ADORA3: variants seen among roughly 807,000 people sequenced by gnomAD.
The protein encoded by ADORA3 is adenosine A3 receptor.
In ADORA3, 3 loss-of-function variants were observed where a neutral mutation model predicts 5.7. That is an observed-to-expected ratio of 0.52 (90% CI 0.24 to 1.35). The LOEUF (loss-of-function observed/expected upper bound fraction) is 1.35, where lower values mean the gene tolerates loss of function less well. ADORA3 is among the 40% of genes most tolerant of loss of function. The pLI, the probability that ADORA3 is intolerant of heterozygous loss-of-function variation, is 0.17. For missense variants in ADORA3, 343 were observed against 389.0 expected (o/e 0.88, Z 0.99); for synonymous variants, 168 against 152.3 (o/e 1.10, Z -0.76).
intron 1 of ADORA3, among the ~76,000 whole-genome samples, chr1:111,502,106 TTA>T (rs1655220694): frequency 7.1e-5 from 2 of 28,024 alleles, no homozygotes; most frequent in Admixed American, 7.4e-4. Flanking sequence ...AGATATATAT[TTA>T]ATATAATAAA....
rs191642128 is a variant in ADORA3 at position 111,499,697 on chromosome 1, A to C, written c.*253T>G. 9 of 1,279,582 alleles carry C rather than the reference A, an allele frequency of 7.0e-6. No homozygotes were observed. The highest frequency in any genetic ancestry group is 9.0e-6 in the Non-Finnish European group (9 of 1,005,228). 79.3% of individuals were successfully genotyped at this position (1,279,582 alleles called of 1,614,324 possible). On this transcript the variant is annotated 3_prime_UTR_variant, in exon 2 of 2. Coordinates refer to ENST00000241356, the MANE Select transcript of ADORA3 (RefSeq NM_000677.4). ...ATTGGGAAGAAGGAAAACAGACAAT[A>C]ATATCAATAATACGTTGTCCCCAAG...
chr1:111,500,248 G>C lies in ADORA3; in HGVS notation c.659C>G (p.Ala220Gly). The C allele has an allele frequency of 6.2e-7, 1 of 1,614,152 alleles. No homozygotes were observed. The highest frequency in any genetic ancestry group is 8.5e-7 in the Non-Finnish European group (1 of 1,180,022). Residue 220 changes from alanine (A) to glycine (G), a missense_variant, in exon 2 of 2, where the codon GCA (alanine) becomes GGA (glycine). By Grantham distance (60) the Ala-to-Gly change is moderately conservative. Transcript: ENST00000241356. ...LNLSNSKETGAFYGREFKTAK... is the reference protein window; with the variant it reads ...LNLSNSKETGGFYGREFKTAK... ...CGTCTTGAACTCCCGTCCATAAAAT[G>C]CACCTGTCTCTTTGGAGTTAGATAA...
Position 111,500,019 on chromosome 1 carries a change from G to A in ADORA3, c.888C>T (p.Ile296=). 1.2e-6 allele frequency: 2 copies of A among 1,614,176 alleles called. No individual in the cohort carries two copies. Among genetic ancestry groups the A allele is most frequent in the East Asian group, 4.5e-5 (2 of 44,894 alleles). ...IKKFKETYLL[I]LKACVVCHPS... is the part of the protein sequence containing the mutation. ...GATGGCAGACCACACAAGCTTTGAG[G>A]ATCAAAAGGTAGGTTTCCTTGAACT... Residue 296 remains isoleucine, a synonymous_variant, in exon 2 of 2, where the codon ATC becomes ATT. Coordinates refer to ENST00000241356, the MANE Select transcript of ADORA3 (RefSeq NM_000677.4).
At chr1:111,502,942 C>G in intron 1 of ADORA3, 63 bp downstream of exon 1, 3 of 1,584,162 alleles carry the variant, frequency 1.9e-6, no homozygotes, top group Non-Finnish European at 2.6e-6. Flanking sequence ...AGTCTGGGCT[C>G]TGGGCTTTGT....
Position 111,499,834 on chromosome 1 carries a change from C to T in ADORA3, c.*116G>A. 1.3e-6 allele frequency: 2 copies of T among 1,524,266 alleles called. No homozygotes were observed. The highest frequency in any genetic ancestry group is 1.8e-6 in the Non-Finnish European group (2 of 1,141,664). 94.4% of individuals were successfully genotyped at this position (1,524,266 alleles called of 1,614,324 possible). A position where few individuals can be genotyped will look rare whatever the true frequency, so the allele number is the denominator to read the frequency against. The stretch of plus-strand genomic sequence containing the variant: ...TTGGGGAGCACTGGAGATGCTCCCA[C>T]CTCAGTGGAAGTAATCAAGGATGTA... On this transcript the variant is annotated 3_prime_UTR_variant, in exon 2 of 2. Transcript: ENST00000241356.
chr1:111,500,788 C>T, intron 1 of ADORA3: 2 of 555,646 alleles, frequency 3.6e-6, no homozygotes, highest in Non-Finnish European at 6.3e-6. Flanking sequence ...CAGGAAACTT[C>T]TCTGGGGACT....
chr1:111,500,059 G>T lies in ADORA3; in HGVS notation c.848C>A (p.Ala283Asp). 1 of 1,614,178 alleles carries T rather than the reference G, an allele frequency of 6.2e-7. No homozygotes were observed. The highest frequency in any genetic ancestry group is 8.5e-7 in the Non-Finnish European group (1 of 1,180,038). ...ANSMMNPIVYAYKIKKFKETY... is the reference protein window; with the variant it reads ...ANSMMNPIVYDYKIKKFKETY... ...TTCCTTGAACTTCTTTATTTTATAG[G>T]CATAGACGATAGGGTTCATCATGGA... is the stretch of plus-strand genomic sequence containing the variant. Residue 283 changes from alanine to aspartate, a missense_variant, in exon 2 of 2, where the codon GCC (alanine) becomes GAC (aspartate). Ala to Asp is a moderately radical substitution (Grantham distance 126). Coordinates refer to ENST00000241356, the MANE Select transcript of ADORA3 (RefSeq NM_000677.4).
rs779804357 is a variant in ADORA3, at chr1:111,503,016, C to T, written c.339G>A (p.Lys113=). 1 of 1,613,936 alleles carries T rather than the reference C, an allele frequency of 6.2e-7. No homozygotes were observed. The stretch of plus-strand genomic sequence containing the variant: ...ACGCCGCAGGCTACCTGACGGTAAG[C>T]TTGACCCGCAAGTATCGGTCCACAG... ...AIAVDRYLRV[K]LTVRYKRVTT... The change falls in exon 1 of 2, where the codon AAG becomes AAA. Residue 113 remains lysine (K), a synonymous_variant. Transcript: ENST00000241356.
intron 1 of ADORA3, 128 bp downstream of exon 1, chr1:111,502,877 A>G (rs1018278678): frequency 5.1e-6 from 6 of 1,181,754 alleles, no homozygotes; most frequent in Admixed American, 5.2e-5. Flanking sequence ...ACAAAAAGAC[A>G]CTTATTGCCC....
Position 111,499,548 on chromosome 1 carries a change from G to C in ADORA3, c.*402C>G. On this transcript the variant is annotated 3_prime_UTR_variant, in exon 2 of 2. Transcript: ENST00000241356. ...ATCTCCTAGGCATCCTCCGAGAGCA[G>C]GTTCTCTGCTCAATTCCACAATGGT... The C allele has an allele frequency of 2.0e-6, 2 of 1,009,546 alleles. No homozygotes were observed. Among genetic ancestry groups the C allele is most frequent in the Non-Finnish European group, 2.4e-6 (2 of 843,184 alleles). 62.5% of individuals were successfully genotyped at this position (1,009,546 alleles called of 1,614,324 possible). A position where few individuals can be genotyped will look rare whatever the true frequency, so the allele number is the denominator to read the frequency against.
rs1368430019 is a variant in ADORA3, at chr1:111,503,119, T to C, written c.236A>G (p.His79Arg). 10 of 1,613,966 alleles carry C rather than the reference T, an allele frequency of 6.2e-6. No homozygotes were observed. Among genetic ancestry groups the C allele is most frequent in the East Asian group, 2.2e-5 (1 of 44,878 alleles). ...AIVVSLGITIHFYSCLFMTCL... is the reference protein window; with the variant it reads ...AIVVSLGITIRFYSCLFMTCL... Reference sequence around the variant, plus strand: ...AGTCATAAAAAGGCAGCTGTAGAAGTGGATTGTGATGCCCAGGCTGACAAC... The same window carrying C: ...AGTCATAAAAAGGCAGCTGTAGAAGCGGATTGTGATGCCCAGGCTGACAAC... Residue 79 changes from histidine to arginine, a missense_variant, in exon 1 of 2, where the codon CAC becomes CGC. Transcript: ENST00000241356.
In ADORA3 at chr1:111,503,408, T is replaced by C. The variant is rs1367092034; in HGVS notation, c.-54A>G. Reference sequence around the variant, plus strand: ...GACAGGTGAGCCAGCAAGATCCGTCTGTAGGGCCAGTGGGCCTAGCTCTCG... The same window carrying C: ...GACAGGTGAGCCAGCAAGATCCGTCCGTAGGGCCAGTGGGCCTAGCTCTCG... On this transcript the variant is annotated 5_prime_UTR_variant, in exon 1 of 2. Coordinates refer to ENST00000241356, the MANE Select transcript of ADORA3 (RefSeq NM_000677.4). The C allele has an allele frequency of 1.9e-5, 29 of 1,546,248 alleles. No individual in the cohort carries two copies. The highest frequency in any genetic ancestry group is 2.5e-5 in the Non-Finnish European group (28 of 1,141,698).
chr1:111,500,098 A>C lies in ADORA3; in HGVS notation c.809T>G (p.Leu270Arg), dbSNP rs1347038942. 1 of 1,614,094 alleles carries C rather than the reference A, an allele frequency of 6.2e-7. No individual in the cohort carries two copies. ...GTTCATCATGGAGTTGGCATGGGACAGCAGGATGCCCATGTACAGCACAAG... is the reference window on the plus strand; with the variant it reads ...GTTCATCATGGAGTTGGCATGGGACCGCAGGATGCCCATGTACAGCACAAG... ...PQLVLYMGILLSHANSMMNPI... is the reference protein window; with the variant it reads ...PQLVLYMGILRSHANSMMNPI... The change falls in exon 2 of 2, where the codon CTG (leucine) becomes CGG (arginine). Residue 270 changes from leucine (L) to arginine (R), a missense_variant. By Grantham distance (102) the Leu-to-Arg change is moderately radical. Coordinates refer to ENST00000241356, the MANE Select transcript of ADORA3 (RefSeq NM_000677.4).
chr1:111,500,327 A>C lies in ADORA3; in HGVS notation c.580T>G (p.Cys194Gly). ...TWIFIPLVVMCAIYLDIFYII... is the reference protein window; with the variant it reads ...TWIFIPLVVMGAIYLDIFYII... ...TAAAAGATGTCAAGATAGATGGCGC[A>C]CATGACAACCAGGGGGATGAAAATC... is the stretch of plus-strand genomic sequence containing the variant. Residue 194 changes from cysteine to glycine, a missense_variant, in exon 2 of 2, where the codon TGC becomes GGC. Physicochemically the swap from Cys to Gly is radical, Grantham distance 159. Coordinates refer to ENST00000241356, the MANE Select transcript of ADORA3 (RefSeq NM_000677.4). 1 of 1,614,264 alleles carries C rather than the reference A, an allele frequency of 6.2e-7. No individual in the cohort carries two copies. The highest frequency in any genetic ancestry group is 8.5e-7 in the Non-Finnish European group (1 of 1,180,044).
chr1:111,502,383 ATATATATAGG>A, intron 1 of ADORA3, among the ~76,000 whole-genome samples: 1 of 133,522 alleles, frequency 7.5e-6, no homozygotes, highest in African/African-American at 2.8e-5. Flanking sequence ...ATTATAATGA[ATATATATAGG>A]ATACATATAT....
rs765352303 is a variant in ADORA3, at chr1:111,500,107, C to T, written c.800G>A (p.Gly267Asp). ...GEVPQLVLYM[G>D]ILLSHANSMM... ...GGAGTTGGCATGGGACAGCAGGATGCCCATGTACAGCACAAGCTGTGGTAC... is the reference window on the plus strand; with the variant it reads ...GGAGTTGGCATGGGACAGCAGGATGTCCATGTACAGCACAAGCTGTGGTAC... The change falls in exon 2 of 2, where the codon GGC (glycine) becomes GAC (aspartate). Residue 267 changes from glycine to aspartate, a missense_variant. Gly to Asp is a moderately conservative substitution (Grantham distance 94). Transcript: ENST00000241356. 3.0e-5 allele frequency: 49 copies of T among 1,613,968 alleles called. No individual in the cohort carries two copies. The highest frequency in any genetic ancestry group is 2.5e-6 in the Non-Finnish European group (3 of 1,180,000).
At chr1:111,500,916 T>C (rs976162687) in intron 1 of ADORA3, 3 of 319,670 alleles carry the variant, frequency 9.4e-6, no homozygotes, top group African/African-American at 6.8e-5. Context: ...CTATCTTTTC[T>C]TTTTCTTTTT....
In ADORA3 at chr1:111,499,693, C is replaced by T. The variant is rs1335440801; in HGVS notation, c.*257G>A. 5 of 1,267,866 alleles carry T rather than the reference C, an allele frequency of 3.9e-6. No individual in the cohort carries two copies. The highest frequency in any genetic ancestry group is 4.0e-6 in the Non-Finnish European group (4 of 998,300). The allele number at this position is 1,267,866 out of a possible 1,614,324, so 78.5% of individuals were successfully genotyped here. A position where few individuals can be genotyped will look rare whatever the true frequency, so the allele number is the denominator to read the frequency against. On this transcript the variant is annotated 3_prime_UTR_variant, in exon 2 of 2. Transcript: ENST00000241356. ...TTCTATTGGGAAGAAGGAAAACAGA[C>T]AATAATATCAATAATACGTTGTCCC... is the stretch of plus-strand genomic sequence containing the variant.
Position 111,503,439 on chromosome 1 carries a change from C to G in ADORA3, c.-85G>C. 6.7e-7 allele frequency: 1 copy of G among 1,497,396 alleles called. No individual in the cohort carries two copies. Among genetic ancestry groups the G allele is most frequent in the Non-Finnish European group, 8.9e-7 (1 of 1,118,204 alleles). The allele number at this position is 1,497,396 out of a possible 1,614,324, so 92.8% of individuals were successfully genotyped here. A position where few individuals can be genotyped will look rare whatever the true frequency, so the allele number is the denominator to read the frequency against. On this transcript the variant is annotated 5_prime_UTR_variant, in exon 1 of 2. Coordinates refer to ENST00000241356, the MANE Select transcript of ADORA3 (RefSeq NM_000677.4). ...GCCAGTGGGCCTAGCTCTCGCCAGA[C>G]GTCTTCCCAGAGGTCCATGTGCAGT...
Sources: gnomAD v4.1 joint callset for allele counts (sites outside exome capture counted in the v4.1 genomes callset) on GRCh38, gnomAD v4.1.1 for gene constraint, MANE v1.5 for transcripts, NCBI Gene and HGNC (gene_info 2026-07-23, HGNC 2026-07-21) for gene names.